The following FRMPD4 variants were observed in gnomAD, a reference collection of about 807,000 sequenced individuals.
FRMPD4 encodes the protein FERM and PDZ domain-containing protein 4.
In FRMPD4, 22 loss-of-function variants were observed where a neutral mutation model predicts 94.1. That is an observed-to-expected ratio of 0.23 (90% CI 0.17 to 0.33). The LOEUF (loss-of-function observed/expected upper bound fraction) is 0.33. FRMPD4 is among the 10% of genes least tolerant of loss of function. The probability of loss-of-function intolerance (pLI) is 1.00; values close to 1 mark genes in which losing one functional copy is unlikely to be tolerated. For synonymous variants in FRMPD4, 631 were observed against 548.6 expected (o/e 1.15, Z -2.10); for missense variants, 1,111 against 1,339.9 (o/e 0.83, Z 2.67).
Position 12,528,766 on chromosome X carries a change from C to A in FRMPD4, c.158+29970C>A, listed in dbSNP as rs1007147997. Among the ~76,000 whole-genome samples the A allele has an allele frequency of 4.5e-5, 5 of 112,093 alleles. No homozygotes were observed. In the Admixed American group the frequency reaches 4.7e-4, roughly 11 times the overall value. On this transcript the variant is annotated intron_variant, in intron 2 of 16. Coordinates refer to ENST00000675598, the MANE Select transcript of FRMPD4 (RefSeq NM_001368397.1). ...CTAAGTGGAAGACTCCTCTTTGAAT[C>A]ATCTTGACCGTTGTTCCAAGGGAGT...
At chrX:12,359,541 C>T (rs1027049252) in intron 1 of FRMPD4, among the ~76,000 whole-genome samples, 5 of 107,001 alleles carry the variant, frequency 4.7e-5, no homozygotes, top group Admixed American at 2.0e-4. Context: ...AGTCTTGGCT[C>T]ACTGCAACCT....
At chrX:12,406,846 G>A (rs1217817541) in intron 1 of FRMPD4, among the ~76,000 whole-genome samples, 1 of 111,949 alleles carries the variant, frequency 8.9e-6, no homozygotes, top group Non-Finnish European at 1.9e-5. Context: ...CAAATGTACT[G>A]GCTTAAAATG....
intron 3 of FRMPD4, among the ~76,000 whole-genome samples, chrX:12,087,617 TACTC>T (rs1310608333): frequency 8.9e-6 from 1 of 112,276 alleles, no homozygotes; most frequent in Non-Finnish European, 1.9e-5. Flanking sequence ...AAACAAAAAA[TACTC>T]ATATCATTAA....
At chrX:12,165,944 T>G (rs1202704827) in intron 1 of FRMPD4, among the ~76,000 whole-genome samples, 3 of 111,523 alleles carry the variant, frequency 2.7e-5, no homozygotes, top group Non-Finnish European at 5.7e-5. Flanking sequence ...CTTAAGGAGA[T>G]TTTGGGCTGA....
At chrX:12,157,352 CT>C (rs938803998) in intron 1 of FRMPD4, among the ~76,000 whole-genome samples, 1 of 111,243 alleles carries the variant, frequency 9.0e-6, no homozygotes, top group Non-Finnish European at 1.9e-5. Context: ...AACATCACTT[CT>C]TTTTTTTCCT....
At chrX:12,214,514 G>A (rs755832211) in intron 1 of FRMPD4, among the ~76,000 whole-genome samples, 1 of 112,433 alleles carries the variant, frequency 8.9e-6, no homozygotes, top group Admixed American at 9.4e-5. Flanking sequence ...TTGTTTGTTT[G>A]TAAGAAACCT....
intron 3 of FRMPD4, among the ~76,000 whole-genome samples, chrX:12,092,905 C>T (rs984071133): frequency 2.7e-5 from 3 of 111,496 alleles, no homozygotes; most frequent in Non-Finnish European, 1.9e-5. Flanking sequence ...GGAAGGGAGA[C>T]TCCAGATTGT....
At chrX:12,542,598 C>A (rs1043748532) in intron 2 of FRMPD4, among the ~76,000 whole-genome samples, 3 of 111,891 alleles carry the variant, frequency 2.7e-5, no homozygotes, top group Admixed American at 9.5e-5. Flanking sequence ...AGGACACAAA[C>A]AAATGGAAGA....
rs1411532955 is a variant in FRMPD4, at chrX:12,331,715, T to A, written c.42-166965T>A. Among the ~76,000 whole-genome samples, 12 of 39,989 alleles carry A rather than the reference T, an allele frequency of 3.0e-4. 1 individual carries two copies. The highest frequency in any genetic ancestry group is 1.4e-3 in the African/African-American group (12 of 8,548). The allele number at this position is 39,989 out of a possible 115,157, so 34.7% of individuals were successfully genotyped here. A position where few individuals can be genotyped will look rare whatever the true frequency, so the allele number is the denominator to read the frequency against. Reference sequence around the variant, plus strand: ...TAATATATAAATATATAATATATAATTTATATATAGTATATAAATATATAA... The same window carrying A: ...TAATATATAAATATATAATATATAAATTATATATAGTATATAAATATATAA... On this transcript the variant is annotated intron_variant, in intron 1 of 16. Coordinates refer to ENST00000675598, the MANE Select transcript of FRMPD4 (RefSeq NM_001368397.1).
In FRMPD4 at chrX:12,558,947, T is replaced by C. The variant is rs147223858; in HGVS notation, c.159-50774T>C. On this transcript the variant is annotated intron_variant, in intron 2 of 16. Transcript: ENST00000675598. Reference sequence around the variant, plus strand: ...ATAAATAATCTCTAAGTTCCAGGCATGGTACTGATTTATATGTGTTATGCT... The same window carrying C: ...ATAAATAATCTCTAAGTTCCAGGCACGGTACTGATTTATATGTGTTATGCT... Among the ~76,000 whole-genome samples the C allele has an allele frequency of 4.6e-3, 519 of 111,963 alleles. 6 individuals are homozygous for C. Among genetic ancestry groups the C allele is most frequent in the African/African-American group, 0.016 (488 of 30,822 alleles).
At chrX:11,901,532 C>A (rs1601829765) in intron 3 of FRMPD4, among the ~76,000 whole-genome samples, 1 of 112,335 alleles carries the variant, frequency 8.9e-6, no homozygotes, top group East Asian at 2.8e-4. Context: ...CATATCTTTG[C>A]AATTGTGAAA....
chrX:12,386,869 A>C (rs1369300645), intron 1 of FRMPD4, among the ~76,000 whole-genome samples: 1 of 111,613 alleles, frequency 9.0e-6, no homozygotes, highest in Non-Finnish European at 1.9e-5. Context: ...GGTGGGGGCT[A>C]GGCAGAGAGG....
At chrX:12,498,347 G>A (rs2057874826) in intron 1 of FRMPD4, among the ~76,000 whole-genome samples, 1 of 111,343 alleles carries the variant, frequency 9.0e-6, no homozygotes, top group East Asian at 2.8e-4. Flanking sequence ...ATTCAGTGAT[G>A]CTTCAGAAAC....
intron 1 of FRMPD4, among the ~76,000 whole-genome samples, chrX:12,332,669 T>C (rs1601828730): frequency 8.9e-6 from 1 of 111,943 alleles, no homozygotes; most frequent in African/African-American, 3.2e-5. Context: ...TTAAAACTTA[T>C]GATCTTTGGT....
At chrX:12,038,418 A>G (rs180951451) in intron 3 of FRMPD4, among the ~76,000 whole-genome samples, 2 of 112,283 alleles carry the variant, frequency 1.8e-5, no homozygotes, top group South Asian at 3.7e-4. Context: ...CGTTCTTTAT[A>G]TATTCTAGGT....
chrX:12,227,158 C>T (rs1039084843), intron 1 of FRMPD4, among the ~76,000 whole-genome samples: 1 of 111,315 alleles, frequency 9.0e-6, no homozygotes, highest in African/African-American at 3.3e-5. Flanking sequence ...ACTGAAGACT[C>T]CAGAGCACAC....
intron 8 of FRMPD4, among the ~76,000 whole-genome samples, chrX:12,694,092 C>G (rs989957812): frequency 2.7e-5 from 3 of 111,824 alleles, no homozygotes; most frequent in African/African-American, 9.7e-5. Context: ...ACTAGCCTCC[C>G]CTGGGAGCAC....
At chrX:12,652,004 C>T (rs1345787637) in intron 4 of FRMPD4, among the ~76,000 whole-genome samples, 1 of 112,569 alleles carries the variant, frequency 8.9e-6, no homozygotes, top group Non-Finnish European at 1.9e-5. Context: ...TCCCAGTTCA[C>T]TGAATTCCTT....
At chrX:12,394,142 A>G (rs2056513126) in intron 1 of FRMPD4, among the ~76,000 whole-genome samples, 1 of 112,079 alleles carries the variant, frequency 8.9e-6, no homozygotes, top group African/African-American at 3.2e-5. Flanking sequence ...GTTGACATCA[A>G]TATGGAAATG....
Sources: gnomAD v4.1 joint callset for allele counts (sites outside exome capture counted in the v4.1 genomes callset) on GRCh38, gnomAD v4.1.1 for gene constraint, MANE v1.5 for transcripts, NCBI Gene and HGNC (gene_info 2026-07-23, HGNC 2026-07-21) for gene names.